The following SLC12A8 variants were observed in gnomAD, a reference collection of about 807,000 sequenced individuals.
SLC12A8 encodes solute carrier family 12 member 8, also known as cation-chloride cotransporter 9.
A neutral mutation model predicts 75.6 loss-of-function variants in SLC12A8; 69 were observed. The ratio of observed to expected loss-of-function variants is 0.91; its 90% confidence interval spans 0.75 to 1.11. The LOEUF (loss-of-function observed/expected upper bound fraction) is 1.11, where lower values mean the gene tolerates loss of function less well. Ranked by LOEUF, SLC12A8 falls within the 50% of genes most tolerant of loss-of-function variation. The probability of loss-of-function intolerance (pLI) is 0.00; values close to 1 mark genes in which losing one functional copy is unlikely to be tolerated. For synonymous variants in SLC12A8, 365 were observed against 372.8 expected (o/e 0.98, Z 0.24); for missense variants, 877 against 896.7 (o/e 0.98, Z 0.28).
chr3:125,094,092 C>T (rs1477186593), intron 10 of SLC12A8, among the ~76,000 whole-genome samples: 1 of 152,160 alleles, frequency 6.6e-6, no homozygotes, highest in Non-Finnish European at 1.5e-5. Flanking sequence ...GCTGCACTTG[C>T]GGTGTGTCAT....
Position 125,084,070 on chromosome 3 carries a change from CAG to C in SLC12A8, c.1983-20_1983-19del. The C allele has an allele frequency of 6.2e-7, 1 of 1,605,852 alleles. No homozygotes were observed. The highest frequency in any genetic ancestry group is 8.5e-7 in the Non-Finnish European group (1 of 1,175,678). Reference sequence around the variant, plus strand: ...GCAAGCTCCTGCAGTGAGAGAGACACAGAGGATGGTGAGAAGGACAGAACAGA... The same window carrying C: ...GCAAGCTCCTGCAGTGAGAGAGACACAGGATGGTGAGAAGGACAGAACAGA... On this transcript the variant is annotated intron_variant, in intron 13 of 13. Transcript: ENST00000469902.
intron 6 of SLC12A8, among the ~76,000 whole-genome samples, chr3:125,129,128 G>C (rs993771802): frequency 6.6e-6 from 1 of 152,220 alleles, no homozygotes. Context: ...TGTGTTGGCT[G>C]TGGCCAAAGA....
At chr3:125,182,572 T>C (rs1339911705) in intron 4 of SLC12A8, among the ~76,000 whole-genome samples, 2 of 151,514 alleles carry the variant, frequency 1.3e-5, no homozygotes, top group African/African-American at 4.9e-5. Context: ...AGCGGCGTGA[T>C]CTCAGTTCAC....
rs1298354640 is a variant in SLC12A8, at chr3:125,092,129, A to C, written c.1775T>G (p.Met592Arg). Residue 592 changes from methionine to arginine, a missense_variant, in exon 11 of 14, where the codon ATG becomes AGG. Transcript: ENST00000469902. ...WRRSTSFYTH[M>R]CNPWVSLLGA... Reference sequence around the variant, plus strand: ...CAACAGGGAGACCCAGGGGTTGCACATGTGGGTATAGAAAGAAGTGGATCT... The same window carrying C: ...CAACAGGGAGACCCAGGGGTTGCACCTGTGGGTATAGAAAGAAGTGGATCT... The C allele has an allele frequency of 6.2e-7, 1 of 1,612,588 alleles. No individual in the cohort carries two copies.
At chr3:125,173,996 GC>G (rs112515075) in intron 5 of SLC12A8, among the ~76,000 whole-genome samples, 85,985 of 151,494 alleles carry the variant, frequency 0.57, 25,229 homozygotes, top group East Asian at 0.77. Context: ...GGAGGCTGAG[GC>G]ATAAGAATTG....
intron 5 of SLC12A8, among the ~76,000 whole-genome samples, chr3:125,157,518 G>C (rs1219429057): frequency 6.6e-6 from 1 of 152,182 alleles, no homozygotes; most frequent in East Asian, 1.9e-4. Context: ...TCAGGGAACT[G>C]GGAAGAACTC....
At position 125,153,306 on chromosome 3, in the gene SLC12A8, C is replaced by T. The variant is rs1158905934; in HGVS notation, c.623-17524G>A. Among the ~76,000 whole-genome samples the T allele has an allele frequency of 3.3e-5, 5 of 152,292 alleles. No individual in the cohort carries two copies. In the South Asian group the frequency reaches 6.2e-4, roughly 19 times the overall value. ...GTTTTTACAGCCTGAAAAACAATGA[C>T]CTCTGCATTTCCTACTCAGCACCGC... On this transcript the variant is annotated intron_variant, in intron 5 of 13. Coordinates refer to ENST00000469902, the MANE Select transcript of SLC12A8 (RefSeq NM_024628.6).
In SLC12A8 at chr3:125,110,318, G is replaced by A; in HGVS notation, c.930C>T (p.Phe310=). The change falls in exon 9 of 14, where the codon TTC becomes TTT. Residue 310 remains phenylalanine, a synonymous_variant. Transcript: ENST00000469902. ...LIAEKVSLMG[F]LFLLGLYISS... is the part of the protein sequence containing the mutation. ...AGATGTATAAGCCCAAAAGGAACAG[G>A]AAGCCCATGAGGGATACCTGTGTGA... 1.2e-6 allele frequency: 2 copies of A among 1,613,858 alleles called. No homozygotes were observed. The highest frequency in any genetic ancestry group is 1.1e-5 in the South Asian group (1 of 91,060).
At chr3:125,141,192 G>A (rs1933626761) in intron 5 of SLC12A8, among the ~76,000 whole-genome samples, 1 of 152,048 alleles carries the variant, frequency 6.6e-6, no homozygotes, top group African/African-American at 2.4e-5. Flanking sequence ...GGGTAAGACA[G>A]AGAACAAATG....
intron 11 of SLC12A8, 129 bp downstream of exon 11, chr3:125,091,972 A>C (rs561913278): frequency 1.7e-6 from 1 of 602,074 alleles, no homozygotes; most frequent in South Asian, 2.3e-5. Context: ...TCTAAATTCT[A>C]ATACAACAGG....
intron 2 of SLC12A8, among the ~76,000 whole-genome samples, chr3:125,209,636 C>T (rs1293860706): frequency 1.3e-5 from 2 of 152,174 alleles, no homozygotes; most frequent in African/African-American, 4.8e-5. Context: ...ATAAGACATG[C>T]CCCTGAATTT....
chr3:125,134,930 T>G (rs369601682), intron 6 of SLC12A8, among the ~76,000 whole-genome samples: 33 of 152,370 alleles, frequency 2.2e-4, no homozygotes, highest in African/African-American at 7.5e-4. Flanking sequence ...TCTCTCTTCA[T>G]TAAGAGTCTG....
chr3:125,173,730 G>A (rs758653042), intron 5 of SLC12A8, among the ~76,000 whole-genome samples: 5 of 152,122 alleles, frequency 3.3e-5, no homozygotes, highest in African/African-American at 4.8e-5. Context: ...CACAGACTGG[G>A]GAGAAAAAAT....
intron 1 of SLC12A8, 120 bp from the exon 2 acceptor site, chr3:125,211,514 A>T (rs1403318577): frequency 2.6e-5 from 17 of 660,560 alleles, no homozygotes; most frequent in Non-Finnish European, 4.6e-5. Flanking sequence ...TGAGGAAGAA[A>T]CCTTGTCTAC....
intron 5 of SLC12A8, chr3:125,151,631 A>G (rs1350389445): frequency 6.6e-6 from 1 of 152,350 alleles, no homozygotes; most frequent in Non-Finnish European, 1.5e-5. Context: ...AGTGGTGGCG[A>G]CAGGGAAACC....
At chr3:125,202,960 C>A (rs1313303010) in intron 2 of SLC12A8, among the ~76,000 whole-genome samples, 1 of 151,678 alleles carries the variant, frequency 6.6e-6, no homozygotes, top group Non-Finnish European at 1.5e-5. Context: ...TGGTGGCAGG[C>A]ACCTATAATC....
At chr3:125,148,663 CT>C (rs1470097142) in intron 5 of SLC12A8, among the ~76,000 whole-genome samples, 18 of 152,328 alleles carry the variant, frequency 1.2e-4, no homozygotes, top group Admixed American at 1.2e-3. Context: ...CACTCACAGG[CT>C]GCTCGCACCA....
chr3:125,094,179 G>A (rs899702920), intron 10 of SLC12A8, among the ~76,000 whole-genome samples: 11 of 152,064 alleles, frequency 7.2e-5, no homozygotes, highest in African/African-American at 1.9e-4. Flanking sequence ...TAAAAGCAAC[G>A]TTAAGCTCAT....
chr3:125,144,274 T>C (rs1343240192), intron 5 of SLC12A8, among the ~76,000 whole-genome samples: 1 of 152,142 alleles, frequency 6.6e-6, no homozygotes, highest in Non-Finnish European at 1.5e-5. Context: ...ACAACTACCC[T>C]ATGAGGTAGA....
Sources: allele counts gnomAD v4.1 joint callset (sites outside exome capture counted in the v4.1 genomes callset), GRCh38; gene constraint gnomAD v4.1.1; transcripts MANE v1.5; gene names NCBI Gene and HGNC (gene_info 2026-07-23, HGNC 2026-07-21).